The following PTPRE variants were observed in gnomAD, a reference collection of about 807,000 sequenced individuals.
PTPRE encodes the protein protein tyrosine phosphatase receptor type E, also known as receptor-type tyrosine-protein phosphatase epsilon.
A neutral mutation model predicts 102.0 loss-of-function variants in PTPRE; 51 were observed. That is an observed-to-expected ratio of 0.50 (90% confidence interval 0.40 to 0.63). The LOEUF is 0.63. Among genes scored for constraint, PTPRE ranks in the 30% least tolerant of loss-of-function variants. The pLI, the probability that PTPRE is intolerant of heterozygous loss-of-function variation, is 0.00. For missense variants in PTPRE, 752 were observed against 915.1 expected (o/e 0.82, Z 2.30); for synonymous variants, 345 against 348.2 (o/e 0.99, Z 0.10).
intron 1 of PTPRE, among the ~76,000 whole-genome samples, chr10:127,960,009 C>A (rs568301184): frequency 1.7e-4 from 26 of 152,126 alleles, no homozygotes; most frequent in African/African-American, 6.0e-4. Flanking sequence ...GAATGTAACT[C>A]TTTGGGGAAG....
chr10:128,061,991 C>G (rs1345471067), intron 9 of PTPRE, among the ~76,000 whole-genome samples: 2 of 144,118 alleles, frequency 1.4e-5, no homozygotes, highest in Non-Finnish European at 3.0e-5. Flanking sequence ...TTGAATTTCT[C>G]TCAGCTGGCT....
chr10:127,975,238 C>T lies in PTPRE; in HGVS notation c.-30-7036C>T, dbSNP rs899797420. 9.9e-5 allele frequency among the ~76,000 whole-genome samples: 15 copies of T among 152,130 alleles called. No individual in the cohort carries two copies. The East Asian group carries it at 1.2e-3, about 12-fold the overall frequency. ...GAGCGGCCTCTAGAAGGTGGATCAC[C>T]GTGGTGTCTGCCCGACTTGATGCTC... On this transcript the variant is annotated intron_variant, in intron 1 of 20. Coordinates refer to ENST00000254667, the MANE Select transcript of PTPRE (RefSeq NM_006504.6).
At chr10:127,910,754 C>T in intron 1 of PTPRE, among the ~76,000 whole-genome samples, 1 of 152,218 alleles carries the variant, frequency 6.6e-6, no homozygotes, top group African/African-American at 2.4e-5. Flanking sequence ...CTTTCCCCTA[C>T]AACATCTAAT....
At chr10:127,942,476 G>C (rs1038536039) in intron 1 of PTPRE, among the ~76,000 whole-genome samples, 2 of 152,196 alleles carry the variant, frequency 1.3e-5, no homozygotes, top group African/African-American at 4.8e-5. Flanking sequence ...CCTACAAAAT[G>C]TCCATCAAGG....
Position 128,066,355 on chromosome 10 carries a change from A to G in PTPRE, c.843+161A>G, listed in dbSNP as rs116305750. Among the ~76,000 whole-genome samples the G allele has an allele frequency of 6.9e-3, 1,048 of 152,360 alleles. 13 individuals are homozygous for G. The highest frequency in any genetic ancestry group is 0.024 in the African/African-American group (1,010 of 41,576). The stretch of plus-strand genomic sequence containing the variant: ...AGTGGCCAGGCTGTGATAGGCAGAC[A>G]TGCAAGAGGGCCAAGACACCAGAGG... On this transcript the variant is annotated intron_variant, in intron 11 of 20. Transcript: ENST00000254667.
intron 2 of PTPRE, among the ~76,000 whole-genome samples, chr10:128,026,774 G>C (rs560463764): frequency 3.5e-4 from 54 of 152,244 alleles, no homozygotes; most frequent in Admixed American, 1.6e-3. Flanking sequence ...AAGCAAAGCT[G>C]TCTCCAAAGA....
Position 128,070,144 on chromosome 10 carries a change from G to A in PTPRE, c.1144-157G>A, listed in dbSNP as rs193272029. ...TCCTTACTCAAGGGCATAAATGGTCGTTATCCGTGGCCGGTACTCTGACTC... is the reference window on the plus strand; with the variant it reads ...TCCTTACTCAAGGGCATAAATGGTCATTATCCGTGGCCGGTACTCTGACTC... On this transcript the variant is annotated intron_variant, in intron 13 of 20. Transcript: ENST00000254667. This position sits in a 1 kb window ranked among gnomAD's most constrained non-coding sequence, Gnocchi z 4.8. 14 of 875,570 alleles carry A rather than the reference G, an allele frequency of 1.6e-5. No individual in the cohort carries two copies. The highest frequency in any genetic ancestry group is 5.4e-5 in the South Asian group (3 of 56,072). 54.2% of individuals were successfully genotyped at this position (875,570 alleles called of 1,614,324 possible). A position where few individuals can be genotyped will look rare whatever the true frequency, so the allele number is the denominator to read the frequency against.
In PTPRE at chr10:128,060,931, T is replaced by C; in HGVS notation, c.512-8T>C. 6.2e-7 allele frequency: 1 copy of C among 1,614,040 alleles called. No homozygotes were observed. Among genetic ancestry groups the C allele is most frequent in the South Asian group, 1.1e-5 (1 of 91,076 alleles). ...AATATCTTGGCTTTGTTTGGGTTTTTTTTCCAGATGACCATTCTAGGGTGA... is the reference window on the plus strand; with the variant it reads ...AATATCTTGGCTTTGTTTGGGTTTTCTTTCCAGATGACCATTCTAGGGTGA... On this transcript the variant is annotated splice_polypyrimidine_tract_variant and splice_region_variant and intron_variant, in intron 7 of 20. Transcript: ENST00000254667.
intron 2 of PTPRE, among the ~76,000 whole-genome samples, chr10:128,022,407 G>A (rs1288124865): frequency 6.6e-6 from 1 of 152,232 alleles, no homozygotes; most frequent in Non-Finnish European, 1.5e-5. Flanking sequence ...GGCCCCACTG[G>A]GCATTGTCCA....
chr10:128,009,966 G>A (rs1265405878), intron 2 of PTPRE, among the ~76,000 whole-genome samples: 4 of 152,196 alleles, frequency 2.6e-5, no homozygotes, highest in Non-Finnish European at 5.9e-5. Flanking sequence ...ATTGCACTGA[G>A]CAATGACCAT....
intron 1 of PTPRE, among the ~76,000 whole-genome samples, chr10:127,954,423 G>A (rs1337688149): frequency 1.3e-5 from 2 of 152,174 alleles, no homozygotes; most frequent in African/African-American, 4.8e-5. Flanking sequence ...AGACACTCTG[G>A]ATATGGATAT....
chr10:128,060,028 CAA>C (rs1286975253), intron 7 of PTPRE, among the ~76,000 whole-genome samples: 5 of 150,624 alleles, frequency 3.3e-5, no homozygotes, highest in African/African-American at 9.8e-5. Context: ...ACACTCCACA[CAA>C]ACATATCACA....
chr10:127,993,287 T>G (rs1450229133), intron 2 of PTPRE, among the ~76,000 whole-genome samples: 4 of 152,214 alleles, frequency 2.6e-5, no homozygotes, highest in African/African-American at 9.7e-5. Context: ...GAGAATGGCC[T>G]GACAATTCGC....
At chr10:127,963,935 T>C (rs1026677295) in intron 1 of PTPRE, among the ~76,000 whole-genome samples, 4 of 152,184 alleles carry the variant, frequency 2.6e-5, no homozygotes, top group African/African-American at 9.7e-5. Context: ...ATAAAAAAGA[T>C]GGTTTCTCCT....
At chr10:127,928,275 G>A (rs559234614) in intron 1 of PTPRE, among the ~76,000 whole-genome samples, 2 of 152,152 alleles carry the variant, frequency 1.3e-5, no homozygotes, top group East Asian at 1.9e-4. Flanking sequence ...TCTCTGATGA[G>A]TTTCTGTTTT....
chr10:128,036,085 G>A (rs1158921695), intron 2 of PTPRE, among the ~76,000 whole-genome samples: 2 of 152,094 alleles, frequency 1.3e-5, no homozygotes, highest in East Asian at 1.9e-4. Context: ...AGGGATGTTG[G>A]GAAGTGGACG....
chr10:128,060,110 T>C (rs1399316376), intron 7 of PTPRE, among the ~76,000 whole-genome samples: 3 of 122,546 alleles, frequency 2.4e-5, no homozygotes, highest in Admixed American at 8.2e-5. Flanking sequence ...ACACTACACA[T>C]ACACACCAAA....
intron 8 of PTPRE, among the ~76,000 whole-genome samples, chr10:128,061,362 T>G (rs1849576794): frequency 6.6e-6 from 1 of 152,222 alleles, no homozygotes. Flanking sequence ...TTAATATCAA[T>G]TATAAAATTC....
At chr10:127,933,008 G>A (rs1847561772) in intron 1 of PTPRE, among the ~76,000 whole-genome samples, 1 of 152,160 alleles carries the variant, frequency 6.6e-6, no homozygotes, top group African/African-American at 2.4e-5. Context: ...TGTGCTCCCA[G>A]TCTCTCTGAC....
Sources: gnomAD v4.1 joint callset for allele counts (sites outside exome capture counted in the v4.1 genomes callset) on GRCh38, gnomAD v4.1.1 for gene constraint, Gnocchi (gnomAD v3.1) non-coding constraint, MANE v1.5 for transcripts, NCBI Gene and HGNC (gene_info 2026-07-23, HGNC 2026-07-21) for gene names.